DNAH14: variants seen among roughly 807,000 people sequenced by gnomAD.
DNAH14 encodes the protein axonemal beta dynein heavy chain 14.
DNAH14 carries 478 observed loss-of-function variants against 520.9 expected under a neutral mutation model. That is an observed-to-expected ratio of 0.92 (90% CI 0.85 to 0.99). DNAH14 has a LOEUF of 0.99. Ranked by LOEUF, DNAH14 falls within the 50% of genes least tolerant of loss-of-function variation. DNAH14 has a pLI of 0.00. For missense variants in DNAH14, 4,831 were observed against 5,234.5 expected (o/e 0.92, Z 2.38); for synonymous variants, 1,581 against 1,757.2 (o/e 0.90, Z 2.51).
intron 1 of DNAH14, among the ~76,000 whole-genome samples, chr1:224,934,997 A>C (rs980599307): frequency 2.6e-5 from 4 of 151,880 alleles, no homozygotes; most frequent in African/African-American, 9.7e-5. Flanking sequence ...TTGGTCCCCT[A>C]AGAAGTGCTC....
rs143804871 is a variant in DNAH14 at position 225,103,164 on chromosome 1, T to A, written c.3867+2280T>A. Among the ~76,000 whole-genome samples the A allele has an allele frequency of 0.016, 2,450 of 152,314 alleles. 183 individuals are homozygous for A. The East Asian group carries it at 0.22, about 14-fold the overall frequency. ...AATAGGGAATACTTTCCACATTGCTTGTTTTTATCAGGTTTCTCAAAGATC... is the reference window on the plus strand; with the variant it reads ...AATAGGGAATACTTTCCACATTGCTAGTTTTTATCAGGTTTCTCAAAGATC... On this transcript the variant is annotated intron_variant, in intron 23 of 85. Transcript: ENST00000682510.
chr1:225,020,669 A>G (rs2065617225), intron 10 of DNAH14, among the ~76,000 whole-genome samples: 1 of 152,140 alleles, frequency 6.6e-6, no homozygotes, highest in Non-Finnish European at 1.5e-5. Context: ...GACCAATTGA[A>G]TCAGTAATAA....
chr1:225,257,404 G>C (rs547267380), intron 44 of DNAH14, among the ~76,000 whole-genome samples: 2 of 152,232 alleles, frequency 1.3e-5, no homozygotes. Context: ...AGTTTTCTCA[G>C]GAATAGGAAG....
chr1:225,320,173 T>G (rs892290958), intron 61 of DNAH14, among the ~76,000 whole-genome samples: 1 of 152,216 alleles, frequency 6.6e-6, no homozygotes, highest in Non-Finnish European at 1.5e-5. Flanking sequence ...CCAAGCTTCC[T>G]GGCTGGGGAT....
intron 64 of DNAH14, among the ~76,000 whole-genome samples, chr1:225,325,427 G>A (rs572061782): frequency 6.6e-6 from 1 of 151,310 alleles, no homozygotes; most frequent in South Asian, 2.1e-4. Context: ...GGAGATTGCA[G>A]TGTGCCGAGA....
At chr1:225,082,804 G>A (rs778699464) in intron 20 of DNAH14, 65 bp downstream of exon 20, 17 of 1,303,098 alleles carry the variant, frequency 1.3e-5, no homozygotes, top group Admixed American at 2.4e-5. Context: ...TTAAATAGGC[G>A]AGTAAATATA....
chr1:225,324,659 G>T, intron 63 of DNAH14, 78 bp from the exon 64 acceptor site: 1 of 1,267,396 alleles, frequency 7.9e-7, no homozygotes, highest in Admixed American at 2.2e-5. Context: ...CTCTGTAAAT[G>T]TCTTTCAAAT....
At chr1:225,200,705 G>A (rs947692149) in intron 38 of DNAH14, among the ~76,000 whole-genome samples, 8 of 152,012 alleles carry the variant, frequency 5.3e-5, no homozygotes, top group African/African-American at 1.9e-4. Flanking sequence ...TAGCTAGTAG[G>A]GTTTCTGCTG....
At chr1:225,073,223 G>A (rs912951992) in intron 17 of DNAH14, among the ~76,000 whole-genome samples, 1 of 152,060 alleles carries the variant, frequency 6.6e-6, no homozygotes, top group African/African-American at 2.4e-5. Flanking sequence ...GTTTTTGTGG[G>A]GGTGTTGTGC....
intron 11 of DNAH14, among the ~76,000 whole-genome samples, chr1:225,029,034 A>G (rs2066342177): frequency 6.6e-6 from 1 of 152,078 alleles, no homozygotes; most frequent in South Asian, 2.1e-4. Flanking sequence ...AATTGTTCAA[A>G]TCTGGAAATA....
At chr1:225,193,020 A>C (rs1395743577) in intron 38 of DNAH14, 109 bp downstream of exon 38, 1 of 835,268 alleles carries the variant, frequency 1.2e-6, no homozygotes, top group Non-Finnish European at 1.7e-6. Context: ...GTGTAAAAGT[A>C]AATTTTAAAA....
Position 225,270,840 on chromosome 1 carries a change from C to G in DNAH14, c.7645C>G (p.Gln2549Glu), listed in dbSNP as rs143552249. ...FSMLVLPHPSQDILCTIFQAH... is the reference protein window; with the variant it reads ...FSMLVLPHPSEDILCTIFQAH... ...CATGCTGGTATTACCTCATCCTTCA[C>G]AAGACATCTTATGTACTATTTTCCA... The change falls in exon 50 of 86, where the codon CAA becomes GAA. Residue 2549 changes from glutamine to glutamate, a missense_variant. Coordinates refer to ENST00000682510, the MANE Select transcript of DNAH14 (RefSeq NM_001367479.1). The G allele has an allele frequency of 7.7e-5, 119 of 1,551,240 alleles. No homozygotes were observed. The East Asian group carries it at 2.7e-3, about 35-fold the overall frequency.
At chr1:225,199,602 A>T (rs570227533) in intron 38 of DNAH14, among the ~76,000 whole-genome samples, 26 of 152,316 alleles carry the variant, frequency 1.7e-4, no homozygotes, top group African/African-American at 6.0e-4. Flanking sequence ...CCCAGTTATC[A>T]TTCAGGAGCA....
chr1:225,304,186 A>G (rs79685317), intron 57 of DNAH14, among the ~76,000 whole-genome samples: 3,864 of 152,230 alleles, frequency 0.025, 80 homozygotes, highest in South Asian at 0.085. Flanking sequence ...GGGTCCTTAC[A>G]TTTTTGTAGC....
rs538261333 is a variant in DNAH14, at chr1:225,050,395, C to T, written c.2079+19C>T. On this transcript the variant is annotated intron_variant, in intron 16 of 85. Transcript: ENST00000682510. ...AAATATAGTAAGTTTTAAAACAGTT[C>T]ATTTTAGGAAATGTTTAAGGAGCAG... 109 of 1,515,506 alleles carry T rather than the reference C, an allele frequency of 7.2e-5. No individual in the cohort carries two copies. In the African/African-American group the frequency reaches 1.4e-3, roughly 19 times the overall value. 93.9% of individuals were successfully genotyped at this position (1,515,506 alleles called of 1,614,324 possible). A position where few individuals can be genotyped will look rare whatever the true frequency, so the allele number is the denominator to read the frequency against.
intron 15 of DNAH14, 93 bp downstream of exon 15, chr1:225,044,076 C>A: frequency 1.5e-6 from 1 of 676,656 alleles, no homozygotes; most frequent in Non-Finnish European, 2.5e-6. Flanking sequence ...AGGGATGTGG[C>A]AGATGTTACA....
chr1:224,988,373 C>T (rs1028574304), intron 8 of DNAH14, among the ~76,000 whole-genome samples: 4 of 152,110 alleles, frequency 2.6e-5, no homozygotes, highest in African/African-American at 9.7e-5. Flanking sequence ...CATGAAAAAG[C>T]TCAACATCAC....
intron 17 of DNAH14, among the ~76,000 whole-genome samples, chr1:225,062,550 GAAA>G (rs34829728): frequency 6.6e-6 from 1 of 151,490 alleles, no homozygotes; most frequent in Non-Finnish European, 1.5e-5. Context: ...AAGCTATGAA[GAAA>G]AAAAAAGCCC....
intron 9 of DNAH14, among the ~76,000 whole-genome samples, chr1:225,005,327 AAC>A (rs1330293167): frequency 6.6e-6 from 1 of 152,204 alleles, no homozygotes; most frequent in Non-Finnish European, 1.5e-5. Flanking sequence ...TTCCTCAGTT[AAC>A]TGTTAGGCAG....
Sources: gnomAD v4.1 joint callset for allele counts (sites outside exome capture counted in the v4.1 genomes callset) on GRCh38, gnomAD v4.1.1 for gene constraint, MANE v1.5 for transcripts, NCBI Gene and HGNC (gene_info 2026-07-23, HGNC 2026-07-21) for gene names.